The following BRPF3 variants were observed in gnomAD, a reference collection of about 807,000 sequenced individuals.
BRPF3 encodes the protein bromodomain and PHD finger containing 3, also known as bromodomain and PHD finger-containing protein 3.
A neutral mutation model predicts 102.0 loss-of-function variants in BRPF3; 18 were observed. The observed-to-expected ratio is 0.18, with a 90% CI of 0.12 to 0.26. The LOEUF (loss-of-function observed/expected upper bound fraction) is 0.26, where lower values mean the gene tolerates loss of function less well. Among genes scored for constraint, BRPF3 ranks in the 10% least tolerant of loss-of-function variants. The pLI is 1.00. For synonymous variants in BRPF3, 570 were observed against 614.2 expected, an observed-to-expected ratio of 0.93 and a Z score of 1.06; for missense variants, 1,147 against 1,567.8, an observed-to-expected ratio of 0.73 and a Z score of 4.53.
At position 36,209,873 on chromosome 6, in the gene BRPF3, G is replaced by A. The variant is rs775295978; in HGVS notation, c.1824G>A (p.Lys608=). ...CAACACTGGACCTGCTGCAGGAGAA[G>A]GATCCTGCACACATCTTCGCAGAAC... ...LRTTLDLLQE[K]DPAHIFAEPV... Residue 608 remains lysine (K), a synonymous_variant, in exon 5 of 13, where the codon AAG becomes AAA. Coordinates refer to ENST00000357641, the MANE Select transcript of BRPF3 (RefSeq NM_015695.3). 1.2e-6 allele frequency: 2 copies of A among 1,614,046 alleles called. No individual in the cohort carries two copies. Among genetic ancestry groups the A allele is most frequent in the Admixed American group, 1.7e-5 (1 of 60,002 alleles).
chr6:36,224,797 C>T (rs1278158358), intron 10 of BRPF3, among the ~76,000 whole-genome samples: 5 of 152,106 alleles, frequency 3.3e-5, no homozygotes, highest in Admixed American at 2.0e-4. Context: ...TAAACTATGG[C>T]CTGTAGCCTA....
Position 36,207,439 on chromosome 6 carries a change from G to C in BRPF3, c.1732G>C (p.Glu578Gln), listed in dbSNP as rs1241331797. The change falls in exon 4 of 13, where the codon GAG becomes CAG. Residue 578 changes from glutamate to glutamine, a missense_variant. Glu to Gln is a conservative substitution (Grantham distance 29, BLOSUM62 2). Around this residue, in one of 11 missense-constraint regions of BRPF3, gnomAD observed 23 missense variants for 54.4 expected, o/e 0.42. Transcript: ENST00000357641. ...LIRKREKLKR[E>Q]QVKVQQAAME... ...TCGGAAGAGAGAGAAGCTCAAACGA[G>C]AGCAGGTAAGGAGGAGCCCCCAGCC... 1 of 1,613,956 alleles carries C rather than the reference G, an allele frequency of 6.2e-7. No homozygotes were observed. Among genetic ancestry groups the C allele is most frequent in the South Asian group, 1.1e-5 (1 of 91,064 alleles).
At chr6:36,211,840 G>T (rs1768128069) in intron 7 of BRPF3, among the ~76,000 whole-genome samples, 1 of 152,228 alleles carries the variant, frequency 6.6e-6, no homozygotes, top group Non-Finnish European at 1.5e-5. Context: ...TTGCTGGATT[G>T]TGGGGAGTTT....
chr6:36,211,548 G>A lies in BRPF3; in HGVS notation c.2470G>A (p.Asp824Asn), dbSNP rs1263652182. 3.9e-6 allele frequency: 6 copies of A among 1,553,470 alleles called. No individual in the cohort carries two copies. The highest frequency in any genetic ancestry group is 2.4e-5 in the East Asian group (1 of 41,004). The change falls in exon 7 of 13, where the codon GAT (aspartate) becomes AAT (asparagine). Residue 824 changes from aspartate to asparagine, a missense_variant. Asp to Asn is a conservative substitution (Grantham distance 23). Transcript: ENST00000357641. The stretch of plus-strand genomic sequence containing the variant: ...GGCCTTGCAGGAGGAGCCAGAAGAC[G>A]ATGGGGACAGAGGTGAGAGATAGTC... The part of the protein sequence containing the change: ...EQALQEEPED[D>N]GDRDDSKLPP...
chr6:36,199,635 G>T (rs1363549507), intron 1 of BRPF3, among the ~76,000 whole-genome samples: 1 of 152,198 alleles, frequency 6.6e-6, no homozygotes, highest in African/African-American at 2.4e-5. Context: ...GACAGTGGAT[G>T]CTTTTCTTGT....
At chr6:36,213,217 A>G (rs922359615) in intron 7 of BRPF3, among the ~76,000 whole-genome samples, 1 of 151,978 alleles carries the variant, frequency 6.6e-6, no homozygotes, top group Non-Finnish European at 1.5e-5. Context: ...TGTGTAGAGC[A>G]ATGGTTTGCA....
At chr6:36,228,858 C>A (rs772003860) in intron 11 of BRPF3, 44 bp from the exon 12 acceptor site, 1 of 1,609,216 alleles carries the variant, frequency 6.2e-7, no homozygotes, top group Non-Finnish European at 8.5e-7. Flanking sequence ...CACTGCTCAC[C>A]CTGGCCTCCC....
intron 9 of BRPF3, among the ~76,000 whole-genome samples, chr6:36,218,283 C>A (rs956972478): frequency 1.3e-5 from 2 of 152,074 alleles, no homozygotes; most frequent in African/African-American, 4.8e-5. Flanking sequence ...AAAGCTAAAT[C>A]TCCTGTTGTT....
chr6:36,226,656 A>C (rs1768750928), intron 11 of BRPF3, among the ~76,000 whole-genome samples: 1 of 152,210 alleles, frequency 6.6e-6, no homozygotes, highest in Non-Finnish European at 1.5e-5. Context: ...CATATCTGCA[A>C]CTTTTAACAG....
intron 1 of BRPF3, among the ~76,000 whole-genome samples, chr6:36,199,006 G>A (rs1031069481): frequency 8.5e-5 from 13 of 152,284 alleles, no homozygotes; most frequent in African/African-American, 2.2e-4. Context: ...TCCTAGACAG[G>A]CCACTATAAC....
chr6:36,211,713 G>A (rs774307498), intron 7 of BRPF3, among the ~76,000 whole-genome samples, 153 bp downstream of exon 7: 2 of 152,296 alleles, frequency 1.3e-5, no homozygotes, highest in Non-Finnish European at 1.5e-5. Context: ...CCATGTATAC[G>A]CAGGGATGAT....
chr6:36,219,362 G>A (rs1244064872), intron 9 of BRPF3, among the ~76,000 whole-genome samples: 1 of 152,182 alleles, frequency 6.6e-6, no homozygotes, highest in African/African-American at 2.4e-5. Context: ...AAAGATTTCA[G>A]AATCTTACAC....
At position 36,200,313 on chromosome 6, in the gene BRPF3, C is replaced by T. The variant is rs757856246; in HGVS notation, c.-10C>T. The T allele has an allele frequency of 3.1e-6, 5 of 1,610,170 alleles. No homozygotes were observed. The Admixed American group carries it at 8.4e-5, about 27-fold the overall frequency. On this transcript the variant is annotated 5_prime_UTR_variant, in exon 2 of 13. Transcript: ENST00000357641. This position sits in a 1 kb window ranked among gnomAD's most constrained non-coding sequence, Gnocchi z 5.3. The stretch of plus-strand genomic sequence containing the variant: ...TCTCCTTAGGCCTGTCCCCTCAGTT[C>T]CCAGGTGCCATGAGGAAGCCTCGTC...
chr6:36,227,321 C>G (rs1768776291), intron 11 of BRPF3, among the ~76,000 whole-genome samples: 1 of 151,996 alleles, frequency 6.6e-6, no homozygotes, highest in Non-Finnish European at 1.5e-5. Context: ...AACACAAACC[C>G]CACCATTCTA....
At chr6:36,198,608 A>G (rs1478801893) in intron 1 of BRPF3, among the ~76,000 whole-genome samples, 1 of 152,224 alleles carries the variant, frequency 6.6e-6, no homozygotes, top group Non-Finnish European at 1.5e-5. Context: ...GAGAAATATT[A>G]AAAGTAAGAG....
intron 4 of BRPF3, among the ~76,000 whole-genome samples, chr6:36,207,997 A>T (rs78446375): frequency 0.014 from 2,088 of 152,344 alleles, 38 homozygotes; most frequent in African/African-American, 0.041. Flanking sequence ...CCTCTTCTAC[A>T]GACTACCTGT....
chr6:36,209,255 T>C (rs1269808364), intron 4 of BRPF3, among the ~76,000 whole-genome samples: 1 of 152,242 alleles, frequency 6.6e-6, no homozygotes, highest in African/African-American at 2.4e-5. Context: ...TGATGATTAA[T>C]TGAGGTAATA....
intron 9 of BRPF3, among the ~76,000 whole-genome samples, chr6:36,221,521 G>A (rs998996412): frequency 4.6e-5 from 7 of 151,962 alleles, no homozygotes; most frequent in African/African-American, 1.4e-4. Context: ...TTCTGACCTC[G>A]TGATCTGCCC....
chr6:36,222,379 C>G (rs2157317), intron 10 of BRPF3, 114 bp downstream of exon 10: 569,520 of 906,886 alleles, frequency 0.63, 182,664 homozygotes, highest in South Asian at 0.74. Context: ...TGAGCTCCCC[C>G]AAACTCTTGG....
Sources: gnomAD v4.1 joint callset for allele counts (sites outside exome capture counted in the v4.1 genomes callset) on GRCh38, gnomAD v4.1.1 for gene constraint, gnomAD v4.1.1 regional missense constraint, Gnocchi (gnomAD v3.1) non-coding constraint, MANE v1.5 for transcripts, NCBI Gene and HGNC (gene_info 2026-07-23, HGNC 2026-07-21) for gene names.